Variants in PTCD2 observed in about 807,000 individuals in gnomAD.
PTCD2 encodes the protein pentatricopeptide repeat-containing protein 2, mitochondrial.
In PTCD2, 31 loss-of-function variants were observed where a neutral mutation model predicts 42.6. That is an observed-to-expected ratio of 0.73 (90% CI 0.55 to 0.98). The LOEUF (loss-of-function observed/expected upper bound fraction) is 0.98. Among genes scored for constraint, PTCD2 ranks in the 50% least tolerant of loss-of-function variants. PTCD2 has a pLI of 0.00. For missense variants in PTCD2, 476 were observed against 454.8 expected (o/e 1.05, Z -0.42); for synonymous variants, 183 against 170.9 (o/e 1.07, Z -0.55).
In PTCD2 at chr5:72,366,235, T is replaced by G. The variant is rs937335262; in HGVS notation, c.*7808T>G. On this transcript the variant is annotated 3_prime_UTR_variant, in exon 10 of 10. Transcript: ENST00000380639. Reference sequence around the variant, plus strand: ...ATGTTTCAAATAATAATAATAATAATAAGACTTACCATTTGCCAGGTCCTG... The same window carrying G: ...ATGTTTCAAATAATAATAATAATAAGAAGACTTACCATTTGCCAGGTCCTG... 4 of 152,200 alleles carry G rather than the reference T, an allele frequency of 2.6e-5. No individual in the cohort carries two copies. The highest frequency in any genetic ancestry group is 1.9e-4 in the East Asian group (1 of 5,182). The allele number at this position is 152,200 out of a possible 1,614,324, so 9.4% of individuals were successfully genotyped here.
At chr5:72,336,423 C>G (rs1264131486) in intron 6 of PTCD2, among the ~76,000 whole-genome samples, 1 of 152,194 alleles carries the variant, frequency 6.6e-6, no homozygotes, top group Non-Finnish European at 1.5e-5. Context: ...TGAGTGTGAG[C>G]TCCTTGAGGT....
intron 4 of PTCD2, among the ~76,000 whole-genome samples, chr5:72,333,971 C>T (rs930989042): frequency 2.0e-5 from 3 of 152,134 alleles, no homozygotes; most frequent in African/African-American, 7.2e-5. Flanking sequence ...GATCGTCCTA[C>T]CTCAGTCTCC....
intron 7 of PTCD2, among the ~76,000 whole-genome samples, chr5:72,340,123 A>G (rs959374779): frequency 6.7e-6 from 1 of 149,882 alleles, no homozygotes; most frequent in African/African-American, 2.5e-5. Flanking sequence ...AACTTTTTCT[A>G]CTCTCTTATG....
intron 8 of PTCD2, among the ~76,000 whole-genome samples, chr5:72,345,563 G>C (rs894581901): frequency 1.4e-4 from 21 of 152,202 alleles, no homozygotes; most frequent in African/African-American, 4.3e-4. Flanking sequence ...TTTATGTTCA[G>C]AGTAAAGACA....
intron 4 of PTCD2, 62 bp from the exon 5 acceptor site, chr5:72,334,956 A>G: frequency 9.8e-7 from 1 of 1,021,894 alleles, no homozygotes; most frequent in Admixed American, 1.8e-5. Context: ...AGAGACAGTA[A>G]AAGTACCTCC....
chr5:72,342,760 A>G (rs1222747610), intron 7 of PTCD2, among the ~76,000 whole-genome samples: 1 of 152,262 alleles, frequency 6.6e-6, no homozygotes, highest in Admixed American at 6.5e-5. Flanking sequence ...GGACTCAGGC[A>G]GGTTGTTAAA....
rs974955116 is a variant in PTCD2, at chr5:72,358,606, G to A, written c.*179G>A. 8.2e-6 allele frequency: 5 copies of A among 606,182 alleles called. No homozygotes were observed. The highest frequency in any genetic ancestry group is 5.5e-5 in the African/African-American group (3 of 54,060). The allele number at this position is 606,182 out of a possible 1,614,324, so 37.6% of individuals were successfully genotyped here. ...CTCTGAGAAGTTATGTTGCACCACTGTGAAGGTCTAGATGCAAGCTTGGCT... is the reference window on the plus strand; with the variant it reads ...CTCTGAGAAGTTATGTTGCACCACTATGAAGGTCTAGATGCAAGCTTGGCT... On this transcript the variant is annotated 3_prime_UTR_variant, in exon 10 of 10. Coordinates refer to ENST00000380639, the MANE Select transcript of PTCD2 (RefSeq NM_024754.5).
rs916480546 is a variant in PTCD2 at position 72,361,507 on chromosome 5, C to T, written c.*3080C>T. The T allele has an allele frequency of 1.7e-4, 26 of 152,184 alleles. No individual in the cohort carries two copies. Among genetic ancestry groups the T allele is most frequent in the African/African-American group, 6.0e-4 (25 of 41,428 alleles). The allele number at this position is 152,184 out of a possible 1,614,324, so 9.4% of individuals were successfully genotyped here. ...CAAGAGGACCAGGCAGAAGCAGTTA[C>T]ATTTTATGACCTAGTCTCAGAAGTC... is the stretch of plus-strand genomic sequence containing the variant. On this transcript the variant is annotated 3_prime_UTR_variant, in exon 10 of 10. Coordinates refer to ENST00000380639, the MANE Select transcript of PTCD2 (RefSeq NM_024754.5).
chr5:72,349,124 G>A (rs2112212613), intron 8 of PTCD2, among the ~76,000 whole-genome samples: 1 of 152,296 alleles, frequency 6.6e-6, no homozygotes, highest in Middle Eastern at 3.4e-3. Context: ...CGCCTTGTGT[G>A]GCATTCCATG....
Position 72,320,488 on chromosome 5 carries a change from A to T in PTCD2, c.106A>T (p.Ser36Cys). 6.2e-7 allele frequency: 1 copy of T among 1,613,974 alleles called. No homozygotes were observed. Among genetic ancestry groups the T allele is most frequent in the South Asian group, 1.1e-5 (1 of 91,076 alleles). The change falls in exon 1 of 10, where the codon AGC (serine) becomes TGC (cysteine). Residue 36 changes from serine to cysteine, a missense_variant. Coordinates refer to ENST00000380639, the MANE Select transcript of PTCD2 (RefSeq NM_024754.5). ...TGGGGTGGGAGGCTCCGGCTCTGTC[A>T]GCTGCCGCTGCCCTCTCGGAGGTAT... ...YPGVGGSGSV[S>C]CRCPLGAKRY...
chr5:72,368,228 C>CAA lies in PTCD2; in HGVS notation c.*9801_*9802insAA, dbSNP rs1753245722. On this transcript the variant is annotated 3_prime_UTR_variant, in exon 10 of 10. Coordinates refer to ENST00000380639, the MANE Select transcript of PTCD2 (RefSeq NM_024754.5). Reference sequence around the variant, plus strand: ...TGGGACAAAGACAACCAGCACATTGCTAAGCCCAAGTAGCAAATTTCCTGA... The same window carrying CAA: ...TGGGACAAAGACAACCAGCACATTGCAATAAGCCCAAGTAGCAAATTTCCTGA... The CAA allele has an allele frequency of 1.3e-5, 2 of 152,192 alleles. No individual in the cohort carries two copies. The highest frequency in any genetic ancestry group is 1.3e-4 in the Admixed American group (2 of 15,282). 9.4% of individuals were successfully genotyped at this position (152,192 alleles called of 1,614,324 possible). A position where few individuals can be genotyped will look rare whatever the true frequency, so the allele number is the denominator to read the frequency against.
chr5:72,350,352 C>T (rs910947471), intron 8 of PTCD2, among the ~76,000 whole-genome samples: 4 of 152,118 alleles, frequency 2.6e-5, no homozygotes, highest in African/African-American at 7.2e-5. Context: ...TTCCTGAGCC[C>T]CAGTTCCTGT....
At chr5:72,350,060 G>T (rs1752546247) in intron 8 of PTCD2, among the ~76,000 whole-genome samples, 1 of 152,158 alleles carries the variant, frequency 6.6e-6, no homozygotes, top group Non-Finnish European at 1.5e-5. Flanking sequence ...CTTGTTTATT[G>T]TTATCGAGGG....
chr5:72,328,434 A>C (rs1751257693), intron 3 of PTCD2, among the ~76,000 whole-genome samples: 1 of 152,224 alleles, frequency 6.6e-6, no homozygotes, highest in Admixed American at 6.5e-5. Flanking sequence ...AGAGCTGCCC[A>C]GAATTGGCAT....
intron 3 of PTCD2, among the ~76,000 whole-genome samples, chr5:72,329,723 T>C (rs1751332913): frequency 6.6e-6 from 1 of 151,982 alleles, no homozygotes; most frequent in Non-Finnish European, 1.5e-5. Flanking sequence ...AAAAACTGAG[T>C]TGGGTTCTCT....
Position 72,366,812 on chromosome 5 carries a change from T to C in PTCD2, c.*8385T>C, listed in dbSNP as rs1440642785. 1.3e-5 allele frequency: 2 copies of C among 152,250 alleles called. No homozygotes were observed. Among genetic ancestry groups the C allele is most frequent in the Non-Finnish European group, 2.9e-5 (2 of 68,048 alleles). 9.4% of individuals were successfully genotyped at this position (152,250 alleles called of 1,614,324 possible). A position where few individuals can be genotyped will look rare whatever the true frequency, so the allele number is the denominator to read the frequency against. On this transcript the variant is annotated 3_prime_UTR_variant, in exon 10 of 10. Coordinates refer to ENST00000380639, the MANE Select transcript of PTCD2 (RefSeq NM_024754.5). ...ACCAATGTAAGTATCATGCAATGTG[T>C]CCATGTGCGTGTACACGTGAGCACA...
rs1183274566 is a variant in PTCD2, at chr5:72,363,710, C to G, written c.*5283C>G. ...CTCTGCTATTCTCTCTTGCTGACCC[C>G]AAGCCCACCAATGAATTAATTGAAT... is the stretch of plus-strand genomic sequence containing the variant. On this transcript the variant is annotated 3_prime_UTR_variant, in exon 10 of 10. Transcript: ENST00000380639. 6.6e-6 allele frequency: 1 copy of G among 152,232 alleles called. No individual in the cohort carries two copies. The highest frequency in any genetic ancestry group is 2.4e-5 in the African/African-American group (1 of 41,454). 9.4% of individuals were successfully genotyped at this position (152,232 alleles called of 1,614,324 possible).
At chr5:72,353,507 T>G (rs1752720627) in intron 9 of PTCD2, among the ~76,000 whole-genome samples, 1 of 150,306 alleles carries the variant, frequency 6.7e-6, no homozygotes, top group South Asian at 2.1e-4. Context: ...AATATCACTT[T>G]GTTTTTTCTG....
In PTCD2 at chr5:72,360,730, G is replaced by C. The variant is rs1003832952; in HGVS notation, c.*2303G>C. The C allele has an allele frequency of 6.6e-6, 1 of 151,166 alleles. No homozygotes were observed. The highest frequency in any genetic ancestry group is 2.5e-5 in the African/African-American group (1 of 40,776). 9.4% of individuals were successfully genotyped at this position (151,166 alleles called of 1,614,324 possible). ...GACACAATTTCACTCTGTCGCCCAG[G>C]CTGGAGTGCAGTGGTGTGATCTCAG... On this transcript the variant is annotated 3_prime_UTR_variant, in exon 10 of 10. Transcript: ENST00000380639.
Sources: allele counts gnomAD v4.1 joint callset (sites outside exome capture counted in the v4.1 genomes callset), GRCh38; gene constraint gnomAD v4.1.1; transcripts MANE v1.5; gene names NCBI Gene and HGNC (gene_info 2026-07-23, HGNC 2026-07-21).